Variants in UBL3 observed in about 807,000 individuals in gnomAD.
The protein encoded by UBL3 is ubiquitin like 3.
In UBL3, 6 loss-of-function variants were observed where a neutral mutation model predicts 18.4. The observed-to-expected ratio is 0.33, with a 90% CI of 0.18 to 0.64. The LOEUF is 0.64. Among genes scored for constraint, UBL3 ranks in the 30% least tolerant of loss-of-function variants. The pLI, the probability that UBL3 is intolerant of heterozygous loss-of-function variation, is 0.76. For missense variants in UBL3, 109 were observed against 142.9 expected, an observed-to-expected ratio of 0.76 and a Z score of 1.21; for synonymous variants, 49 against 46.6, an observed-to-expected ratio of 1.05 and a Z score of -0.21.
At chr13:29,843,404 T>C (rs1000941715) in intron 1 of UBL3, among the ~76,000 whole-genome samples, 1 of 152,214 alleles carries the variant, frequency 6.6e-6, no homozygotes, top group African/African-American at 2.4e-5. Flanking sequence ...TTATTAAATA[T>C]ATCTCCATTT....
At position 29,767,250 on chromosome 13, in the gene UBL3, A is replaced by G. The variant is rs781409746; in HGVS notation, c.*5T>C. 1 of 1,613,042 alleles carries G rather than the reference A, an allele frequency of 6.2e-7. No homozygotes were observed. Among genetic ancestry groups the G allele is most frequent in the South Asian group, 1.1e-5 (1 of 91,030 alleles). ...CTATATCACATCACACTAGGCAGAC[A>G]GTGTTTACAGGATTACACAACAATT... On this transcript the variant is annotated 3_prime_UTR_variant, in exon 5 of 5. Transcript: ENST00000380680.
At chr13:29,809,982 G>GA (rs1877999794) in intron 1 of UBL3, among the ~76,000 whole-genome samples, 1 of 152,012 alleles carries the variant, frequency 6.6e-6, no homozygotes, top group Non-Finnish European at 1.5e-5. Context: ...GAAACTTTGT[G>GA]AAATTTTTTT....
At position 29,789,162 on chromosome 13, in the gene UBL3, G is replaced by A. The variant is rs139121615; in HGVS notation, c.28-11899C>T. Among the ~76,000 whole-genome samples the A allele has an allele frequency of 3.3e-5, 5 of 152,214 alleles. No individual in the cohort carries two copies. The East Asian group carries it at 9.7e-4, about 29-fold the overall frequency. ...GATCCACCAGCCTCGTCCTCCCAAA[G>A]TGCTGGGATTACAGGTGTGAGCCAC... On this transcript the variant is annotated intron_variant, in intron 1 of 4. Transcript: ENST00000380680.
chr13:29,842,148 T>TTTTA (rs1555235240), intron 1 of UBL3, among the ~76,000 whole-genome samples: 3 of 27,858 alleles, frequency 1.1e-4, no homozygotes, highest in African/African-American at 2.1e-4. Context: ...TTTTTTTTTT[T>TTTTA]TTTTTTTTTT....
intron 1 of UBL3, among the ~76,000 whole-genome samples, chr13:29,809,964 T>C (rs879441433): frequency 5.9e-5 from 9 of 152,144 alleles, no homozygotes; most frequent in Non-Finnish European, 1.3e-4. Context: ...ATTCAAGTTT[T>C]GCTTTTTGAA....
At chr13:29,836,907 T>C (rs1393353386) in intron 1 of UBL3, among the ~76,000 whole-genome samples, 1 of 152,242 alleles carries the variant, frequency 6.6e-6, no homozygotes, top group Non-Finnish European at 1.5e-5. Flanking sequence ...AGCCTCATGA[T>C]ACCTGAAATT....
intron 1 of UBL3, among the ~76,000 whole-genome samples, chr13:29,838,229 C>G (rs1354915808): frequency 6.6e-6 from 1 of 152,046 alleles, no homozygotes; most frequent in African/African-American, 2.4e-5. Flanking sequence ...AGTAGGGACC[C>G]TTTAAAAGTG....
At chr13:29,781,366 C>T (rs563609559) in intron 1 of UBL3, among the ~76,000 whole-genome samples, 61 of 152,030 alleles carry the variant, frequency 4.0e-4, no homozygotes, top group Non-Finnish European at 7.9e-4. Context: ...TGTATTCCTG[C>T]ATTTTCTAAT....
intron 1 of UBL3, among the ~76,000 whole-genome samples, chr13:29,819,871 T>A (rs1385521398): frequency 1.3e-5 from 2 of 152,090 alleles, no homozygotes; most frequent in Non-Finnish European, 2.9e-5. Context: ...AGGAGATAAT[T>A]CAAGGACAAT....
chr13:29,780,890 C>T (rs907355722), intron 1 of UBL3, among the ~76,000 whole-genome samples: 6 of 151,934 alleles, frequency 3.9e-5, no homozygotes, highest in Non-Finnish European at 8.8e-5. Flanking sequence ...AATAAAAGTG[C>T]TAGCCAGGCG....
At chr13:29,783,336 A>AATAG (rs1249223244) in intron 1 of UBL3, among the ~76,000 whole-genome samples, 1 of 152,248 alleles carries the variant, frequency 6.6e-6, no homozygotes, top group African/African-American at 2.4e-5. Context: ...GGACTAGGTT[A>AATAG]ATAGATATAG....
intron 1 of UBL3, among the ~76,000 whole-genome samples, chr13:29,789,633 T>C (rs1877431436): frequency 6.6e-6 from 1 of 152,220 alleles, no homozygotes; most frequent in Admixed American, 6.5e-5. Flanking sequence ...CTGTAAGGCA[T>C]TCAGCCACCT....
At chr13:29,788,733 G>A (rs1263499026) in intron 1 of UBL3, among the ~76,000 whole-genome samples, 1 of 151,984 alleles carries the variant, frequency 6.6e-6, no homozygotes, top group Non-Finnish European at 1.5e-5. Context: ...ATAAGTAGAT[G>A]CTAAGAAAAA....
intron 1 of UBL3, among the ~76,000 whole-genome samples, chr13:29,798,013 T>C (rs911752250): frequency 6.6e-6 from 1 of 151,716 alleles, no homozygotes; most frequent in Non-Finnish European, 1.5e-5. Context: ...TTTTTTTTGA[T>C]GGCATATTAA....
intron 3 of UBL3, among the ~76,000 whole-genome samples, chr13:29,769,931 G>T (rs1240713665): frequency 6.6e-6 from 1 of 151,998 alleles, no homozygotes; most frequent in Non-Finnish European, 1.5e-5. Flanking sequence ...CTACTTCGTG[G>T]TCATCCACTG....
chr13:29,787,715 T>C (rs1173696413), intron 1 of UBL3, among the ~76,000 whole-genome samples: 3 of 152,230 alleles, frequency 2.0e-5, no homozygotes. Flanking sequence ...AAAAGTACTT[T>C]CTCTAGGGCA....
chr13:29,835,135 T>TATAA (rs1878913235), intron 1 of UBL3, among the ~76,000 whole-genome samples: 3 of 6,548 alleles, frequency 4.6e-4, no homozygotes, highest in African/African-American at 7.0e-4. Context: ...AATATATATA[T>TATAA]ATATATATAT....
intron 1 of UBL3, among the ~76,000 whole-genome samples, chr13:29,805,236 A>G (rs926227772): frequency 1.3e-5 from 2 of 152,268 alleles, no homozygotes; most frequent in South Asian, 2.1e-4. Flanking sequence ...CTGCCATTTT[A>G]TCACAATGGA....
At chr13:29,837,787 G>A (rs2794295) in intron 1 of UBL3, among the ~76,000 whole-genome samples, 15,173 of 151,656 alleles carry the variant, frequency 0.1, 929 homozygotes, top group African/African-American at 0.16. Context: ...AAAATTAGCC[G>A]GGCGTGGTGA....
Sources: allele counts gnomAD v4.1 joint callset (sites outside exome capture counted in the v4.1 genomes callset), GRCh38; gene constraint gnomAD v4.1.1; transcripts MANE v1.5; gene names NCBI Gene and HGNC (gene_info 2026-07-23, HGNC 2026-07-21).